Variants in RAVER2 observed in about 807,000 individuals in gnomAD.
The protein encoded by RAVER2 is ribonucleoprotein, PTB binding 2, also known as ribonucleoprotein PTB-binding 2.
In RAVER2, 46 loss-of-function variants were observed where a neutral mutation model predicts 78.1. That is an observed-to-expected ratio of 0.59 (90% confidence interval 0.46 to 0.75). The LOEUF (loss-of-function observed/expected upper bound fraction) is 0.75, where lower values mean the gene tolerates loss of function less well. Among genes scored for constraint, RAVER2 ranks in the 30% least tolerant of loss-of-function variants. The probability of loss-of-function intolerance (pLI) is 0.00; values close to 1 mark genes in which losing one functional copy is unlikely to be tolerated. For synonymous variants in RAVER2, 311 were observed against 313.3 expected (o/e 0.99, Z 0.08); for missense variants, 793 against 837.5 (o/e 0.95, Z 0.66).
exon 12 of RAVER2, chr1:64,831,980 A>G (rs978642710): frequency 1.3e-5 from 2 of 152,250 alleles, no homozygotes; most frequent in African/African-American, 4.8e-5. Flanking sequence ...ATTTATATAT[A>G]GTTTGCTGAT....
chr1:64,816,374 C>G (rs1653757370), intron 11 of RAVER2: 1 of 152,226 alleles, frequency 6.6e-6, no homozygotes, highest in South Asian at 2.1e-4. Context: ...CTTTGACAGT[C>G]CCTGCTTCTA....
At chr1:64,782,446 T>A (rs1023269413) in intron 4 of RAVER2, among the ~76,000 whole-genome samples, 5 of 152,232 alleles carry the variant, frequency 3.3e-5, no homozygotes, top group Non-Finnish European at 7.3e-5. Flanking sequence ...AAAGACTTTA[T>A]GCTGAAGGTG....
At chr1:64,804,497 GT>G (rs1653356755) in intron 6 of RAVER2, among the ~76,000 whole-genome samples, 1 of 152,114 alleles carries the variant, frequency 6.6e-6, no homozygotes, top group Non-Finnish European at 1.5e-5. Flanking sequence ...ACCAAAAAGG[GT>G]TGAGAGGAGG....
chr1:64,805,040 T>C (rs762545578), exon 8 of RAVER2: 1 of 1,614,010 alleles, frequency 6.2e-7, no homozygotes, highest in Non-Finnish European at 8.5e-7. Context: ...CAGACTGCAC[T>C]AGGGATAGGG....
At chr1:64,814,097 G>A (rs1653697078) in intron 10 of RAVER2, among the ~76,000 whole-genome samples, 1 of 150,882 alleles carries the variant, frequency 6.6e-6, no homozygotes, top group South Asian at 2.1e-4. Flanking sequence ...CTAATTTTGT[G>A]TGTGTGTGTG....
At chr1:64,753,920 A>G (rs1463498889) in intron 1 of RAVER2, among the ~76,000 whole-genome samples, 1 of 152,144 alleles carries the variant, frequency 6.6e-6, no homozygotes, top group Non-Finnish European at 1.5e-5. Flanking sequence ...CTCTGAATAC[A>G]CATCATTACC....
chr1:64,811,419 A>G (rs12083851), intron 9 of RAVER2, among the ~76,000 whole-genome samples: 3,459 of 152,248 alleles, frequency 0.023, 122 homozygotes, highest in African/African-American at 0.077. Context: ...ATAACATCCT[A>G]CAATCCATAA....
At chr1:64,799,124 G>A (rs1653186115) in intron 5 of RAVER2, among the ~76,000 whole-genome samples, 1 of 152,066 alleles carries the variant, frequency 6.6e-6, no homozygotes, top group Non-Finnish European at 1.5e-5. Flanking sequence ...AACCATGATT[G>A]TACCTTCAAC....
intron 1 of RAVER2, among the ~76,000 whole-genome samples, chr1:64,763,954 A>ACACACACACACACACACC (rs1186925233): frequency 2.7e-5 from 4 of 149,026 alleles, no homozygotes; most frequent in African/African-American, 1.0e-4. Context: ...ACACACACAC[A>ACACACACACACACACACC]CCCCTACCAT....
Position 64,771,474 on chromosome 1 carries a change from A to G in RAVER2, c.316+2752A>G, listed in dbSNP as rs561314488. 2.0e-5 allele frequency among the ~76,000 whole-genome samples: 3 copies of G among 152,152 alleles called. No individual in the cohort carries two copies. In the South Asian group the frequency reaches 6.2e-4, roughly 32 times the overall value. On this transcript the variant is annotated intron_variant, in intron 2 of 11. Transcript: ENST00000294428. The stretch of plus-strand genomic sequence containing the variant: ...TATAGATGGAAATCTGGACCTACCC[A>G]ACAAAATGATGAATACGTGATATGG...
At chr1:64,791,735 C>T (rs897927984) in intron 5 of RAVER2, among the ~76,000 whole-genome samples, 4 of 152,154 alleles carry the variant, frequency 2.6e-5, no homozygotes, top group Non-Finnish European at 4.4e-5. Context: ...CTTCCCAAGG[C>T]AGCCTATTCC....
At chr1:64,823,327 T>G (rs1271492772) in intron 11 of RAVER2, among the ~76,000 whole-genome samples, 2 of 152,206 alleles carry the variant, frequency 1.3e-5, no homozygotes, top group Non-Finnish European at 2.9e-5. Flanking sequence ...ATTTCTCTAG[T>G]CAGTTGTAAT....
At chr1:64,768,762 C>A (rs1267220012) in intron 2 of RAVER2, 40 bp downstream of exon 2, 1 of 1,232,638 alleles carries the variant, frequency 8.1e-7, no homozygotes, top group South Asian at 1.3e-5. Flanking sequence ...CATTTTGATT[C>A]TCCCTGTACT....
At chr1:64,780,103 A>G (rs1652588432) in intron 3 of RAVER2, among the ~76,000 whole-genome samples, 2 of 152,294 alleles carry the variant, frequency 1.3e-5, no homozygotes, top group Admixed American at 1.3e-4. Flanking sequence ...TAAGTTTTCA[A>G]AAGATTAATA....
intron 6 of RAVER2, among the ~76,000 whole-genome samples, chr1:64,803,764 C>T (rs1413528898): frequency 1.3e-5 from 2 of 152,080 alleles, no homozygotes; most frequent in Admixed American, 6.5e-5. Flanking sequence ...TATTGAGTAT[C>T]TGACATATAT....
At chr1:64,753,138 C>T (rs1038708820) in intron 1 of RAVER2, among the ~76,000 whole-genome samples, 2 of 152,180 alleles carry the variant, frequency 1.3e-5, no homozygotes, top group African/African-American at 4.8e-5. Flanking sequence ...ACTGCAGCCT[C>T]GACCTTCCTC....
At chr1:64,770,516 C>A (rs189430939) in intron 2 of RAVER2, among the ~76,000 whole-genome samples, 9 of 152,028 alleles carry the variant, frequency 5.9e-5, no homozygotes, top group African/African-American at 1.9e-4. Context: ...ACATCTGACA[C>A]CCAACAAAGT....
chr1:64,771,660 G>A (rs1323941201), intron 2 of RAVER2, among the ~76,000 whole-genome samples: 1 of 152,022 alleles, frequency 6.6e-6, no homozygotes, highest in Admixed American at 6.6e-5. Context: ...AGGAGAAATG[G>A]GATTGCACTG....
intron 4 of RAVER2, among the ~76,000 whole-genome samples, chr1:64,783,544 A>G (rs183859807): frequency 2.9e-4 from 44 of 152,216 alleles, no homozygotes; most frequent in African/African-American, 1.0e-3. Context: ...TGAGAAGAAG[A>G]CATTTGTTGT....
Sources: gnomAD v4.1 joint callset for allele counts (sites outside exome capture counted in the v4.1 genomes callset) on GRCh38, gnomAD v4.1.1 for gene constraint, MANE v1.5 for transcripts, NCBI Gene and HGNC (gene_info 2026-07-23, HGNC 2026-07-21) for gene names.